The following RBMS3 variants were observed in gnomAD, a reference collection of about 807,000 sequenced individuals.
RBMS3 encodes RNA binding motif single stranded interacting protein 3, also known as RNA-binding motif, single-stranded-interacting protein 3.
Under a neutral mutation model 66.8 loss-of-function variants are expected in RBMS3, and 27 were observed. The ratio of observed to expected loss-of-function variants is 0.40; its 90% CI spans 0.30 to 0.56. RBMS3 has a LOEUF of 0.56. Among genes scored for constraint, RBMS3 ranks in the 20% least tolerant of loss-of-function variants. The pLI, the probability that RBMS3 is intolerant of heterozygous loss-of-function variation, is 0.40. For synonymous variants in RBMS3, 188 were observed against 183.0 expected (o/e 1.03, Z -0.22); for missense variants, 513 against 549.5 (o/e 0.93, Z 0.66).
chr3:29,420,720 G>T (rs1399981761), intron 1 of RBMS3, among the ~76,000 whole-genome samples: 1 of 151,596 alleles, frequency 6.6e-6, no homozygotes, highest in African/African-American at 2.4e-5. Context: ...CTGCCTTTTA[G>T]TGCATAGAGC....
intron 12 of RBMS3, among the ~76,000 whole-genome samples, chr3:29,965,344 A>G (rs1696758236): frequency 6.6e-6 from 1 of 152,166 alleles, no homozygotes; most frequent in Admixed American, 6.5e-5. Context: ...TCCCACCAGC[A>G]GTTTAGAAGT....
intron 3 of RBMS3, among the ~76,000 whole-genome samples, chr3:29,526,580 G>A (rs1369621019): frequency 7.6e-6 from 1 of 130,730 alleles, no homozygotes; most frequent in Non-Finnish European, 1.6e-5. Context: ...TTGAGAAGCA[G>A]TGATCTGGCC....
intron 4 of RBMS3, among the ~76,000 whole-genome samples, chr3:29,719,697 G>T (rs2053559710): frequency 6.6e-6 from 1 of 152,108 alleles, no homozygotes; most frequent in African/African-American, 2.4e-5. Context: ...TGTGGGCCAG[G>T]ACGCAAAAGT....
intron 1 of RBMS3, among the ~76,000 whole-genome samples, chr3:29,330,193 G>A (rs1284548891): frequency 6.6e-6 from 1 of 152,038 alleles, no homozygotes; most frequent in Non-Finnish European, 1.5e-5. Flanking sequence ...AAATACCTAA[G>A]TTTGAATATA....
intron 10 of RBMS3, among the ~76,000 whole-genome samples, chr3:29,931,025 T>C (rs1309308622): frequency 1.3e-5 from 2 of 152,178 alleles, no homozygotes; most frequent in African/African-American, 4.8e-5. Context: ...GCATATATTA[T>C]ATACCTCACA....
At chr3:29,662,068 G>A (rs1010282360) in intron 4 of RBMS3, among the ~76,000 whole-genome samples, 6 of 152,142 alleles carry the variant, frequency 3.9e-5, no homozygotes, top group Non-Finnish European at 7.3e-5. Flanking sequence ...TGCACATTTT[G>A]TGACAACATT....
chr3:29,444,284 G>C (rs1384138107), intron 2 of RBMS3, among the ~76,000 whole-genome samples: 1 of 151,936 alleles, frequency 6.6e-6, no homozygotes, highest in Non-Finnish European at 1.5e-5. Context: ...CCATTTTATA[G>C]GTGAAAAACC....
At chr3:29,913,194 T>TG (rs1250288037) in intron 10 of RBMS3, among the ~76,000 whole-genome samples, 3 of 152,018 alleles carry the variant, frequency 2.0e-5, no homozygotes, top group Non-Finnish European at 2.9e-5. Flanking sequence ...AACTATTTGA[T>TG]GTGGACCATG....
intron 6 of RBMS3, among the ~76,000 whole-genome samples, chr3:29,862,393 T>A (rs769662196): frequency 1.5e-4 from 23 of 152,106 alleles, no homozygotes; most frequent in Non-Finnish European, 3.1e-4. Context: ...CACATACACA[T>A]TGCACACATA....
chr3:29,591,644 G>C (rs890583591), intron 4 of RBMS3, among the ~76,000 whole-genome samples: 3 of 152,162 alleles, frequency 2.0e-5, no homozygotes, highest in Non-Finnish European at 4.4e-5. Context: ...GCTTTTCCTG[G>C]ATATATTTAG....
At chr3:29,764,991 T>C (rs2055861912) in intron 6 of RBMS3, among the ~76,000 whole-genome samples, 1 of 152,054 alleles carries the variant, frequency 6.6e-6, no homozygotes, top group South Asian at 2.1e-4. Context: ...CCACTCATCA[T>C]AATAGAACTA....
intron 8 of RBMS3, among the ~76,000 whole-genome samples, chr3:29,896,456 A>T (rs2060125170): frequency 6.6e-6 from 1 of 151,538 alleles, no homozygotes; most frequent in Non-Finnish European, 1.5e-5. Flanking sequence ...GCATTTTTCC[A>T]ACCTATCCTC....
intron 4 of RBMS3, among the ~76,000 whole-genome samples, chr3:29,664,701 T>TGC (rs1358928003): frequency 1.5e-4 from 23 of 152,026 alleles, no homozygotes; most frequent in African/African-American, 5.6e-4. Flanking sequence ...AGTACTTTAT[T>TGC]TTTTTTAGAG....
At chr3:29,578,850 G>A (rs972532337) in intron 3 of RBMS3, among the ~76,000 whole-genome samples, 18 of 123,022 alleles carry the variant, frequency 1.5e-4, no homozygotes, top group Non-Finnish European at 2.4e-4. Flanking sequence ...GTCGGACTGC[G>A]GACTGCAGTG....
chr3:29,611,552 T>C (rs564415102), intron 4 of RBMS3, among the ~76,000 whole-genome samples: 36 of 151,940 alleles, frequency 2.4e-4, no homozygotes, highest in Admixed American at 1.4e-3. Flanking sequence ...AAAAAGTCAA[T>C]CTTGTATGCC....
intron 6 of RBMS3, among the ~76,000 whole-genome samples, chr3:29,864,742 C>T (rs1446204165): frequency 6.6e-6 from 1 of 150,930 alleles, no homozygotes; most frequent in Non-Finnish European, 1.5e-5. Flanking sequence ...TTCACAATAG[C>T]TCTATGAAGT....
intron 2 of RBMS3, among the ~76,000 whole-genome samples, chr3:29,473,170 G>A (rs1028372926): frequency 5.3e-5 from 8 of 151,624 alleles, no homozygotes; most frequent in Non-Finnish European, 7.4e-5. Context: ...GTTTCTCCAA[G>A]TCCCCACCAG....
intron 1 of RBMS3, among the ~76,000 whole-genome samples, chr3:29,384,170 G>T (rs2038897393): frequency 6.6e-6 from 1 of 151,948 alleles, no homozygotes; most frequent in Non-Finnish European, 1.5e-5. Context: ...ACAAAAATTA[G>T]CCAGGCATGG....
intron 6 of RBMS3, among the ~76,000 whole-genome samples, chr3:29,814,175 G>A (rs1226891573): frequency 2.6e-5 from 4 of 151,930 alleles, no homozygotes; most frequent in Admixed American, 2.0e-4. Flanking sequence ...AATTTATTGA[G>A]AGTTTTTAGC....
Sources: allele counts gnomAD v4.1 joint callset (sites outside exome capture counted in the v4.1 genomes callset), GRCh38; gene constraint gnomAD v4.1.1; transcripts MANE v1.5; gene names NCBI Gene and HGNC (gene_info 2026-07-23, HGNC 2026-07-21).